COX7A2L: variants seen among roughly 807,000 people sequenced by gnomAD.
COX7A2L encodes cytochrome c oxidase subunit 7A2-like, mitochondrial.
In COX7A2L, 18 loss-of-function variants were observed where a neutral mutation model predicts 14.2. The observed-to-expected ratio is 1.27, with a 90% CI of 0.88 to 1.88. The LOEUF is 1.88. COX7A2L is among the 40% of genes most tolerant of loss of function. The pLI is 0.00. For synonymous variants in COX7A2L, 65 were observed against 57.4 expected (o/e 1.13, Z -0.60); for missense variants, 179 against 138.8 (o/e 1.29, Z -1.46).
chr2:42,340,032 T>C (rs181858788), intron 2 of COX7A2L, among the ~76,000 whole-genome samples: 1 of 152,302 alleles, frequency 6.6e-6, no homozygotes, highest in East Asian at 1.9e-4. Flanking sequence ...CAGCCACCTG[T>C]ATATTCGGTC....
intron 2 of COX7A2L, among the ~76,000 whole-genome samples, chr2:42,343,852 T>A (rs955336922): frequency 6.6e-6 from 1 of 152,048 alleles, no homozygotes; most frequent in Non-Finnish European, 1.5e-5. Context: ...AAAAAGCAGA[T>A]AAATAAACGA....
intron 1 of COX7A2L, among the ~76,000 whole-genome samples, chr2:42,356,895 C>T (rs1021395467): frequency 5.3e-5 from 8 of 152,222 alleles, no homozygotes; most frequent in Admixed American, 1.3e-4. Context: ...CACTGTACTC[C>T]AGCCTGGGCG....
In COX7A2L at chr2:42,342,426, C is replaced by T. The variant is rs1255226627; in HGVS notation, c.193-8557G>A. On this transcript the variant is annotated intron_variant, in intron 2 of 2. Coordinates refer to the COX7A2L transcript ENST00000468711. The surrounding 1 kb of genome is among the most constrained non-coding windows in gnomAD (Gnocchi z 4.9). ...AGGCAGGCACCAGGTACGGCCCACA[C>T]AGACTCAGCCTCTCCTTCCCTGCCT... 6.6e-6 allele frequency among the ~76,000 whole-genome samples: 1 copy of T among 152,138 alleles called. No homozygotes were observed. Among genetic ancestry groups the T allele is most frequent in the East Asian group, 1.9e-4 (1 of 5,182 alleles).
At chr2:42,359,681 C>A (rs980822579) in intron 1 of COX7A2L, 1 of 152,108 alleles carries the variant, frequency 6.6e-6, no homozygotes, top group Non-Finnish European at 1.5e-5. Flanking sequence ...TATAATCCAA[C>A]CTTTCTTCCC....
At chr2:42,368,430 T>A (rs1017548283) in intron 1 of COX7A2L, among the ~76,000 whole-genome samples, 1 of 152,352 alleles carries the variant, frequency 6.6e-6, no homozygotes, top group African/African-American at 2.4e-5. Context: ...AGGTAACAGT[T>A]GAATATCAAC....
At position 42,339,657 on chromosome 2, in the gene COX7A2L, A is replaced by G. The variant is rs117400186; in HGVS notation, c.193-5788T>C. ...ACTTTTTAAATTTATTACTTCCAATAAAGTGCAGAATCTCAGCGCATTGTG... is the reference window on the plus strand; with the variant it reads ...ACTTTTTAAATTTATTACTTCCAATGAAGTGCAGAATCTCAGCGCATTGTG... On this transcript the variant is annotated intron_variant, in intron 2 of 2. Coordinates refer to the COX7A2L transcript ENST00000468711. The surrounding 1 kb of genome is among the most constrained non-coding windows in gnomAD (Gnocchi z 5.4). Among the ~76,000 whole-genome samples, 134 of 152,176 alleles carry G rather than the reference A, an allele frequency of 8.8e-4. 3 individuals are homozygous for G. In the East Asian group the frequency reaches 0.011, roughly 12 times the overall value.
intron 1 of COX7A2L, among the ~76,000 whole-genome samples, chr2:42,355,376 C>G (rs1333619726): frequency 2.0e-5 from 3 of 152,158 alleles, no homozygotes; most frequent in Non-Finnish European, 2.9e-5. Flanking sequence ...TGTAAAAACT[C>G]TTTCTACCAA....
downstream of COX7A2L, among the ~76,000 whole-genome samples, chr2:42,347,523 T>A (rs933121152): frequency 6.6e-6 from 1 of 152,128 alleles, no homozygotes; most frequent in African/African-American, 2.4e-5. Flanking sequence ...GGTACATTCA[T>A]AAAATAAAAT....
At chr2:42,363,101 C>T (rs1671094877), upstream of COX7A2L, among the ~76,000 whole-genome samples, 1 of 152,022 alleles carries the variant, frequency 6.6e-6, no homozygotes, top group Non-Finnish European at 1.5e-5. Context: ...GTCTCAAACT[C>T]CTGGGCTCAA....
chr2:42,362,646 G>A (rs983375480), upstream of COX7A2L, among the ~76,000 whole-genome samples: 2 of 152,132 alleles, frequency 1.3e-5, no homozygotes, highest in Admixed American at 6.5e-5. Flanking sequence ...GCATTCCAGG[G>A]TGAGGGTGTA....
intron 2 of COX7A2L, among the ~76,000 whole-genome samples, chr2:42,337,530 C>T (rs1456484192): frequency 7.0e-6 from 1 of 142,750 alleles, no homozygotes; most frequent in Non-Finnish European, 1.6e-5. Context: ...AGTAGGATGG[C>T]GGCCACCATG....
intron 1 of COX7A2L, among the ~76,000 whole-genome samples, chr2:42,357,754 T>G (rs545901293): frequency 1.3e-5 from 2 of 152,308 alleles, no homozygotes; most frequent in African/African-American, 4.8e-5. Context: ...TCACCAATCA[T>G]GCTGAAGCCC....
intron 1 of COX7A2L, among the ~76,000 whole-genome samples, chr2:42,357,768 C>T (rs1303581860): frequency 6.6e-6 from 1 of 152,148 alleles, no homozygotes; most frequent in Non-Finnish European, 1.5e-5. Context: ...GAAGCCCTCC[C>T]TCCTCATCCC....
intron 2 of COX7A2L, among the ~76,000 whole-genome samples, chr2:42,336,137 G>A (rs1670265822): frequency 1.3e-5 from 2 of 152,200 alleles, no homozygotes; most frequent in Non-Finnish European, 2.9e-5. Context: ...TTGGCCACGT[G>A]CTTTTTCCAC....
At chr2:42,361,676 A>C (rs1039623174), upstream of COX7A2L, 1 of 152,898 alleles carries the variant, frequency 6.5e-6, no homozygotes, top group African/African-American at 2.4e-5. Flanking sequence ...TGTGCTGCGG[A>C]GCCACCGTCT....
rs866173116 is a variant in COX7A2L, at chr2:42,355,756, C to T, written c.73-2413G>A. ...TTTTTTTTTTTTTGAGACGGAATCT[C>T]GCTCTGTTGCCCTGGCTGGAGTGCA... On this transcript the variant is annotated intron_variant, in intron 1 of 2. Coordinates refer to ENST00000234301, the MANE Select transcript of COX7A2L (RefSeq NM_004718.4). Among the ~76,000 whole-genome samples, 115 of 108,348 alleles carry T rather than the reference C, an allele frequency of 1.1e-3. No individual in the cohort carries two copies. In the South Asian group the frequency reaches 0.011, roughly 10 times the overall value. The allele number at this position is 108,348 out of a possible 152,430, so 71.1% of individuals were successfully genotyped here. A position where few individuals can be genotyped will look rare whatever the true frequency, so the allele number is the denominator to read the frequency against.
At chr2:42,360,894 C>G (rs573170814) in intron 1 of COX7A2L, 196 bp downstream of exon 1, 1 of 632,866 alleles carries the variant, frequency 1.6e-6, no homozygotes, top group African/African-American at 1.9e-5. Context: ...CAGCCCCCGC[C>G]AGGTGAGCAG....
chr2:42,361,202 AC>A lies in COX7A2L; in HGVS notation c.-42del, dbSNP rs780507723. ...GCTTCCCGCATCCGCTGCCAACGCG[AC>A]CGCCCCAGAGAAGGACCCCGCCTCC... On this transcript the variant is annotated 5_prime_UTR_variant, in exon 1 of 3. Transcript: ENST00000234301. 83 of 1,560,578 alleles carry A rather than the reference AC, an allele frequency of 5.3e-5. No homozygotes were observed. The highest frequency in any genetic ancestry group is 1.7e-4 in the Middle Eastern group (1 of 5,962).
At chr2:42,359,509 C>G (rs565784146) in intron 1 of COX7A2L, 2 of 152,260 alleles carry the variant, frequency 1.3e-5, no homozygotes, top group Admixed American at 6.5e-5. Context: ...GCCATTTTCT[C>G]ACATAATCTG....
Sources: gnomAD v4.1 joint callset for allele counts (sites outside exome capture counted in the v4.1 genomes callset) on GRCh38, gnomAD v4.1.1 for gene constraint, Gnocchi (gnomAD v3.1) non-coding constraint, MANE v1.5 for transcripts, NCBI Gene and HGNC (gene_info 2026-07-23, HGNC 2026-07-21) for gene names.